Variants in ASIC4 observed in about 807,000 individuals in gnomAD.
ASIC4 encodes acid sensing ion channel subunit family member 4, also known as acid-sensing ion channel 4.
Under a neutral mutation model 53.4 loss-of-function variants are expected in ASIC4, and 28 were observed. The ratio of observed to expected loss-of-function variants is 0.52; its 90% confidence interval spans 0.39 to 0.72. The LOEUF (loss-of-function observed/expected upper bound fraction) is 0.72. Among genes scored for constraint, ASIC4 ranks in the 30% least tolerant of loss-of-function variants. The pLI, the probability that ASIC4 is intolerant of heterozygous loss-of-function variation, is 0.00. For synonymous variants in ASIC4, 289 were observed against 301.4 expected (o/e 0.96, Z 0.43); for missense variants, 649 against 729.7 (o/e 0.89, Z 1.27).
At chr2:219,520,483 A>G (rs991715515) in intron 1 of ASIC4, among the ~76,000 whole-genome samples, 1 of 152,132 alleles carries the variant, frequency 6.6e-6, no homozygotes, top group African/African-American at 2.4e-5. Flanking sequence ...CACTACTGAC[A>G]GTCTCTGCCC....
chr2:219,529,234 C>T (rs549169784), intron 1 of ASIC4, among the ~76,000 whole-genome samples: 32 of 152,290 alleles, frequency 2.1e-4, no homozygotes, highest in Middle Eastern at 3.4e-3. Flanking sequence ...GTGCATGGGG[C>T]ATACTGAGTG....
At position 219,536,583 on chromosome 2, in the gene ASIC4, A is replaced by G. The variant is rs183058945; in HGVS notation, c.1230-483A>G. Among the ~76,000 whole-genome samples, 495 of 149,332 alleles carry G rather than the reference A, an allele frequency of 3.3e-3. No individual in the cohort carries two copies. Among genetic ancestry groups the G allele is most frequent in the African/African-American group, 0.012 (476 of 40,676 alleles). On this transcript the variant is annotated intron_variant, in intron 6 of 9. Coordinates refer to ENST00000358078, the MANE Select transcript of ASIC4 (RefSeq NM_018674.6). The surrounding 1 kb of genome is among the most constrained non-coding windows in gnomAD (Gnocchi z 4.6). ...GAGAGGAGGCAATGGGGAGGCGTCC[A>G]GTGACAGGACGTGGGGCGGTGGGGT...
At position 219,537,461 on chromosome 2, in the gene ASIC4, A is replaced by G. The variant is rs1166325663; in HGVS notation, c.1401+140A>G. On this transcript the variant is annotated intron_variant, in intron 8 of 9. Coordinates refer to ENST00000358078, the MANE Select transcript of ASIC4 (RefSeq NM_018674.6). This position sits in a 1 kb window ranked among gnomAD's most constrained non-coding sequence, Gnocchi z 4.9. Reference sequence around the variant, plus strand: ...TGCCAGGGTCCCCTGACTGGCTGGCAGGCCTGAGGGCTCAGAGTCAGGAGA... The same window carrying G: ...TGCCAGGGTCCCCTGACTGGCTGGCGGGCCTGAGGGCTCAGAGTCAGGAGA... 8.7e-7 allele frequency: 1 copy of G among 1,152,556 alleles called. No homozygotes were observed. The highest frequency in any genetic ancestry group is 2.6e-5 in the East Asian group (1 of 38,864). The allele number at this position is 1,152,556 out of a possible 1,614,324, so 71.4% of individuals were successfully genotyped here. A position where few individuals can be genotyped will look rare whatever the true frequency, so the allele number is the denominator to read the frequency against.
upstream of ASIC4, chr2:219,514,049 TG>T: frequency 2.6e-6 from 1 of 388,360 alleles, no homozygotes; most frequent in Non-Finnish European, 4.6e-6. Flanking sequence ...GGCCAGGAGG[TG>T]GGGGGATAGA....
Position 219,514,579 on chromosome 2 carries a change from C to A in ASIC4, c.-146C>A. ...GGGAGTGACTCCCCCACCTCGGGCC[C>A]CCACCCTGTCCCTGTCCTCTTCCCG... On this transcript the variant is annotated 5_prime_UTR_variant, in exon 1 of 10. Transcript: ENST00000358078. The A allele has an allele frequency of 6.3e-7, 1 of 1,582,862 alleles. No homozygotes were observed. The highest frequency in any genetic ancestry group is 8.6e-7 in the Non-Finnish European group (1 of 1,164,674).
the ASIC4 span, among the ~76,000 whole-genome samples, chr2:219,507,147 C>G: frequency 2.0e-5 from 3 of 152,200 alleles, no homozygotes; most frequent in African/African-American, 7.2e-5. Flanking sequence ...CCCACTGCCT[C>G]AGCCTCGTGC....
chr2:219,533,710 G>C (rs570991765), intron 5 of ASIC4: 9 of 153,256 alleles, frequency 5.9e-5, no homozygotes, highest in African/African-American at 2.2e-4. Context: ...GTGGCTGCAG[G>C]GCAGAGAACA....
At position 219,532,896 on chromosome 2, in the gene ASIC4, C is replaced by T. The variant is rs761349318; in HGVS notation, c.1032C>T (p.Ile344=). The change falls in exon 5 of 10, where the codon ATC becomes ATT. Residue 344 remains isoleucine (I), a synonymous_variant. Transcript: ENST00000358078. Reference sequence around the variant, plus strand: ...CTCTCCTTTCAGGCAATGAGACCATCTGCCCACCAAATATCTACATCGAGT... The same window carrying T: ...CTCTCCTTTCAGGCAATGAGACCATTTGCCCACCAAATATCTACATCGAGT... ...RMVHMPGNET[I]CPPNIYIECA... 2.1e-5 allele frequency: 34 copies of T among 1,613,616 alleles called. No individual in the cohort carries two copies. Among genetic ancestry groups the T allele is most frequent in the Non-Finnish European group, 2.9e-5 (34 of 1,179,716 alleles).
intron 4 of ASIC4, 198 bp downstream of exon 4, chr2:219,532,675 C>A: frequency 1.2e-6 from 1 of 840,548 alleles, no homozygotes; most frequent in Non-Finnish European, 1.8e-6. Flanking sequence ...CATGCAGATG[C>A]CTGTGTGCAT....
rs1199725624 is a variant in ASIC4 at position 219,515,164 on chromosome 2, G to A, written c.440G>A (p.Arg147Gln). The change falls in exon 1 of 10, where the codon CGG (arginine) becomes CAG (glutamine). Residue 147 changes from arginine to glutamine, a missense_variant. Coordinates refer to ENST00000358078, the MANE Select transcript of ASIC4 (RefSeq NM_018674.6). Reference sequence around the variant, plus strand: ...CTGACAGGGCTGCCCCCCAAAGACCGGGATGGGCACCGTGCGGCTGGCCTG... The same window carrying A: ...CTGACAGGGCTGCCCCCCAAAGACCAGGATGGGCACCGTGCGGCTGGCCTG... ...ANLTGLPPKDRDGHRAAGLRY... is the reference protein window; with the variant it reads ...ANLTGLPPKDQDGHRAAGLRY... 9.3e-6 allele frequency: 15 copies of A among 1,614,044 alleles called. No homozygotes were observed. The highest frequency in any genetic ancestry group is 1.7e-5 in the Admixed American group (1 of 60,016).
intron 1 of ASIC4, among the ~76,000 whole-genome samples, chr2:219,527,871 T>C (rs1382269301): frequency 3.3e-5 from 5 of 152,240 alleles, no homozygotes. Flanking sequence ...CTCGCTGGGC[T>C]CTGGGGATGC....
chr2:219,533,554 C>T (rs1695078814), intron 5 of ASIC4: 1 of 158,458 alleles, frequency 6.3e-6, no homozygotes, highest in Admixed American at 6.0e-5. Context: ...GCAGCCCTAG[C>T]CTGGGAAGGT....
At chr2:219,520,940 G>A (rs1174901843) in intron 1 of ASIC4, among the ~76,000 whole-genome samples, 1 of 152,326 alleles carries the variant, frequency 6.6e-6, no homozygotes, top group African/African-American at 2.4e-5. Flanking sequence ...CTTCCAGTCT[G>A]TCAAAAGCAG....
upstream of ASIC4, among the ~76,000 whole-genome samples, chr2:219,511,164 G>A (rs1694696688): frequency 6.6e-6 from 1 of 152,138 alleles, no homozygotes; most frequent in Admixed American, 6.5e-5. This position sits in a 1 kb window ranked among gnomAD's most constrained non-coding sequence, Gnocchi z 5.3. Flanking sequence ...GAGTTCAGGG[G>A]GTCACAGCAT....
At position 219,517,296 on chromosome 2, in the gene ASIC4, C is replaced by T. The variant is rs1694810887; in HGVS notation, c.582+1990C>T. On this transcript the variant is annotated intron_variant, in intron 1 of 9. Transcript: ENST00000358078. The surrounding 1 kb of genome is among the most constrained non-coding windows in gnomAD (Gnocchi z 4.2). ...GAGTCCCCGGAATCCTGGGGATGGC[C>T]TGGAGGAGTGTGGGTGGATTTCCCA... 6.6e-6 allele frequency: 1 copy of T among 152,286 alleles called. No individual in the cohort carries two copies. The highest frequency in any genetic ancestry group is 2.4e-5 in the African/African-American group (1 of 41,424). 9.4% of individuals were successfully genotyped at this position (152,286 alleles called of 1,614,324 possible).
At chr2:219,520,804 T>TG (rs1348580589) in intron 1 of ASIC4, among the ~76,000 whole-genome samples, 1 of 151,362 alleles carries the variant, frequency 6.6e-6, no homozygotes, top group East Asian at 1.9e-4. Flanking sequence ...CAGGTTGGGG[T>TG]GGGGGGATAC....
intron 1 of ASIC4, among the ~76,000 whole-genome samples, chr2:219,524,611 G>A (rs35261353): frequency 0.24 from 36,546 of 152,232 alleles, 4,490 homozygotes; most frequent in South Asian, 0.42. Context: ...TTTGAAGGGC[G>A]CCTGTTGTTA....
chr2:219,535,158 C>T lies in ASIC4; in HGVS notation c.1076-13C>T, dbSNP rs778213297. 1.2e-6 allele frequency: 2 copies of T among 1,608,550 alleles called. No individual in the cohort carries two copies. Among genetic ancestry groups the T allele is most frequent in the Admixed American group, 1.7e-5 (1 of 59,430 alleles). ...CTCCAACTCCCACTGTAGCTGCTAC[C>T]TCTGTGTTGCAGACTCCCTGGGTGG... On this transcript the variant is annotated splice_polypyrimidine_tract_variant and intron_variant, in intron 5 of 9. Transcript: ENST00000358078.
intron 1 of ASIC4, among the ~76,000 whole-genome samples, chr2:219,523,170 C>G (rs1694915033): frequency 6.6e-6 from 1 of 152,314 alleles, no homozygotes; most frequent in East Asian, 1.9e-4. Flanking sequence ...TGACGAGGAA[C>G]TTTGCATCGA....
Sources: gnomAD v4.1 joint callset for allele counts (sites outside exome capture counted in the v4.1 genomes callset) on GRCh38, gnomAD v4.1.1 for gene constraint, Gnocchi (gnomAD v3.1) non-coding constraint, MANE v1.5 for transcripts, NCBI Gene and HGNC (gene_info 2026-07-23, HGNC 2026-07-21) for gene names.